FXYD1: variants seen among roughly 807,000 people sequenced by gnomAD.
FXYD1 encodes FXYD domain containing ion transport regulator 1.
A neutral mutation model predicts 17.2 loss-of-function variants in FXYD1; 9 were observed. The ratio of observed to expected loss-of-function variants is 0.52; its 90% CI spans 0.32 to 0.91. FXYD1 has a LOEUF of 0.91. FXYD1 is among the 40% of genes least tolerant of loss of function. FXYD1 has a pLI of 0.04. For synonymous variants in FXYD1, 55 were observed against 45.8 expected (o/e 1.20, Z -0.81); for missense variants, 113 against 120.6 (o/e 0.94, Z 0.29).
chr19:35,137,271 G>T (rs1332648013), upstream of FXYD1, among the ~76,000 whole-genome samples: 1 of 152,204 alleles, frequency 6.6e-6, no homozygotes, highest in Non-Finnish European at 1.5e-5. Flanking sequence ...TGTAAACCTG[G>T]CCTGCCCATG....
At chr19:35,139,509 G>A (rs375990990) in intron 1 of FXYD1, 73 of 153,284 alleles carry the variant, frequency 4.8e-4, no homozygotes, top group Non-Finnish European at 9.5e-4. Flanking sequence ...GCCTCACCCC[G>A]GCAGGGCTGT....
Position 35,142,716 on chromosome 19 carries a change from C to A in FXYD1, c.257-4C>A. The A allele has an allele frequency of 6.2e-7, 1 of 1,613,800 alleles. No homozygotes were observed. Among genetic ancestry groups the A allele is most frequent in the Non-Finnish European group, 8.5e-7 (1 of 1,179,842 alleles). On this transcript the variant is annotated splice_region_variant and splice_polypyrimidine_tract_variant and intron_variant, in intron 6 of 7. Coordinates refer to ENST00000351325, the MANE Select transcript of FXYD1 (RefSeq NM_021902.4). Reference sequence around the variant, plus strand: ...ATGACCCCCGATCTCCGTGTTCCCCCCAGGTCTGTCCACCCGCAGGCGGTA... The same window carrying A: ...ATGACCCCCGATCTCCGTGTTCCCCACAGGTCTGTCCACCCGCAGGCGGTA...
In FXYD1 at chr19:35,141,216, C is replaced by T. The variant is rs758430688; in HGVS notation, c.169+10C>T. On this transcript the variant is annotated intron_variant, in intron 4 of 7. Coordinates refer to ENST00000351325, the MANE Select transcript of FXYD1 (RefSeq NM_021902.4). ...ATCCTCATCGTGCTGAGTGAGTGCC[C>T]CTAGCTCCCGCCCTCTACCCCGCCT... 5 of 1,568,666 alleles carry T rather than the reference C, an allele frequency of 3.2e-6. No individual in the cohort carries two copies. The highest frequency in any genetic ancestry group is 4.4e-6 in the Non-Finnish European group (5 of 1,141,034).
At position 35,141,254 on chromosome 19, in the gene FXYD1, ACCTCTCTCTGGCCCCG is replaced by A. The variant is rs1397871114; in HGVS notation, c.169+55_169+70del. The A allele has an allele frequency of 5.2e-5, 41 of 784,542 alleles. No individual in the cohort carries two copies. In the African/African-American group the frequency reaches 9.8e-4, roughly 19 times the overall value. 48.6% of individuals were successfully genotyped at this position (784,542 alleles called of 1,614,324 possible). A position where few individuals can be genotyped will look rare whatever the true frequency, so the allele number is the denominator to read the frequency against. On this transcript the variant is annotated intron_variant, in intron 4 of 7. Transcript: ENST00000351325. ...CTCTACCCCGCCTCTCCCTGGCCCC[ACCTCTCTCTGGCCCCG>A]CCTCTCCCTGGCCCCGCCTCTCCCT...
At chr19:35,141,675 A>G (rs2065258173) in intron 5 of FXYD1, 103 bp downstream of exon 5, 2 of 939,600 alleles carry the variant, frequency 2.1e-6, no homozygotes, top group East Asian at 2.6e-5. Flanking sequence ...CCCGTCAGCG[A>G]CTATGTATTA....
intron 5 of FXYD1, 53 bp from the exon 6 acceptor site, chr19:35,142,419 G>A: frequency 3.6e-6 from 5 of 1,407,010 alleles, no homozygotes; most frequent in Non-Finnish European, 5.0e-6. Context: ...GTTCCTAGAA[G>A]GGCAGCCTCT....
intron 4 of FXYD1, 110 bp from the exon 5 acceptor site, chr19:35,141,426 C>T: frequency 1.1e-6 from 1 of 943,190 alleles, no homozygotes. Context: ...GCCTCTAGCC[C>T]CGCCCCGTCC....
At chr19:35,140,033 A>G in intron 1 of FXYD1, 43 bp from the exon 2 acceptor site, 1 of 1,576,738 alleles carries the variant, frequency 6.3e-7, no homozygotes, top group South Asian at 1.1e-5. Context: ...CCTATGTGGG[A>G]GAGCAAGGGC....
intron 5 of FXYD1, 66 bp downstream of exon 5, chr19:35,141,638 G>T: frequency 7.6e-7 from 1 of 1,318,306 alleles, no homozygotes; most frequent in Non-Finnish European, 1.1e-6. Context: ...GGTGAGGCGG[G>T]GAGTACCCCT....
chr19:35,137,408 C>T (rs1029016738), upstream of FXYD1, among the ~76,000 whole-genome samples: 14 of 152,190 alleles, frequency 9.2e-5, no homozygotes, highest in African/African-American at 3.1e-4. Flanking sequence ...TCACCGTGGC[C>T]AACCATGTGC....
In FXYD1 at chr19:35,141,163, C is replaced by G. The variant is rs975666289; in HGVS notation, c.126C>G (p.Val42=). ...AGTCCCTGCAGATCGGAGGCCTCGT[C>G]ATCGCCGGGATCCTCTTCATCCTGG... The part of the protein sequence containing the change: ...DYQSLQIGGL[V]IAGILFILGI... The change falls in exon 4 of 8, where the codon GTC becomes GTG. Residue 42 remains valine (V), a synonymous_variant. Coordinates refer to ENST00000351325, the MANE Select transcript of FXYD1 (RefSeq NM_021902.4). 1.5e-5 allele frequency: 24 copies of G among 1,611,364 alleles called. No homozygotes were observed. The African/African-American group carries it at 3.2e-4, about 22-fold the overall frequency.
At chr19:35,138,264 G>A (rs1221748047), upstream of FXYD1, 1 of 152,284 alleles carries the variant, frequency 6.6e-6, no homozygotes, top group Admixed American at 6.5e-5. Flanking sequence ...TACATACATG[G>A]TTTTGTCTGG....
At chr19:35,138,528 C>T (rs1020860127), upstream of FXYD1, 5 of 152,094 alleles carry the variant, frequency 3.3e-5, no homozygotes, top group African/African-American at 9.7e-5. Flanking sequence ...AGGGGGCAGC[C>T]GCCTCAGCCC....
upstream of FXYD1, chr19:35,138,001 T>A (rs1223536913): frequency 6.6e-6 from 1 of 152,192 alleles, no homozygotes; most frequent in African/African-American, 2.4e-5. Context: ...TGTATGGCCA[T>A]TTGTGGGTGG....
Position 35,140,076 on chromosome 19 carries a change from G to A in FXYD1, c.-4G>A. ...GCCTAATCCGTGGTGTCCCCCCCAG[G>A]ACAATGGCGTCTCTTGGCCACATCT... is the stretch of plus-strand genomic sequence containing the variant. On this transcript the variant is annotated splice_region_variant and 5_prime_UTR_variant, in exon 2 of 8. Coordinates refer to ENST00000351325, the MANE Select transcript of FXYD1 (RefSeq NM_021902.4). 3 of 1,613,176 alleles carry A rather than the reference G, an allele frequency of 1.9e-6. No individual in the cohort carries two copies. Among genetic ancestry groups the A allele is most frequent in the Non-Finnish European group, 2.5e-6 (3 of 1,179,148 alleles).
rs1165716055 is a variant in FXYD1 at position 35,140,457 on chromosome 19, G to A, written c.62-140G>A. On this transcript the variant is annotated intron_variant, in intron 2 of 7. Transcript: ENST00000351325. Reference sequence around the variant, plus strand: ...TGGGACAGTGCAGAGGGGGCAGCTGGGACCCAGAGAGTGTGGGCAGCCTGC... The same window carrying A: ...TGGGACAGTGCAGAGGGGGCAGCTGAGACCCAGAGAGTGTGGGCAGCCTGC... 3 of 764,814 alleles carry A rather than the reference G, an allele frequency of 3.9e-6. No homozygotes were observed. In the East Asian group the frequency reaches 7.4e-5, roughly 19 times the overall value. 47.4% of individuals were successfully genotyped at this position (764,814 alleles called of 1,614,324 possible).
chr19:35,140,074 A>C lies in FXYD1; in HGVS notation c.-4-2A>C. Reference sequence around the variant, plus strand: ...CTGCCTAATCCGTGGTGTCCCCCCCAGGACAATGGCGTCTCTTGGCCACAT... The same window carrying C: ...CTGCCTAATCCGTGGTGTCCCCCCCCGGACAATGGCGTCTCTTGGCCACAT... On this transcript the variant is annotated splice_acceptor_variant, in intron 1 of 7. Transcript: ENST00000351325. LOFTEE classifies it low-confidence loss of function (5UTR_SPLICE). 4 of 1,612,706 alleles carry C rather than the reference A, an allele frequency of 2.5e-6. No homozygotes were observed. Among genetic ancestry groups the C allele is most frequent in the Non-Finnish European group, 2.5e-6 (3 of 1,178,716 alleles).
At chr19:35,142,285 A>T in intron 5 of FXYD1, 187 bp from the exon 6 acceptor site, 1 of 553,426 alleles carries the variant, frequency 1.8e-6, no homozygotes, top group East Asian at 3.2e-5. Flanking sequence ...ACCAGCTTAG[A>T]AGCCCCCTGC....
At chr19:35,142,549 T>C (rs776514193) in intron 6 of FXYD1, 28 bp downstream of exon 6, 4 of 1,606,378 alleles carry the variant, frequency 2.5e-6, no homozygotes, top group Non-Finnish European at 2.6e-6. Context: ...GCGGGTATTC[T>C]GGGGAGAGGG....
Sources: gnomAD v4.1 joint callset for allele counts (sites outside exome capture counted in the v4.1 genomes callset) on GRCh38, gnomAD v4.1.1 for gene constraint, MANE v1.5 for transcripts, NCBI Gene and HGNC (gene_info 2026-07-23, HGNC 2026-07-21) for gene names.